LRFN5: variants seen among roughly 807,000 people sequenced by gnomAD.
The protein encoded by LRFN5 is leucine-rich repeat and fibronectin type-III domain-containing protein 5.
A neutral mutation model predicts 45.6 loss-of-function variants in LRFN5; 24 were observed. The observed-to-expected ratio is 0.53, with a 90% CI of 0.38 to 0.74. LRFN5 has a LOEUF of 0.74. LRFN5 is among the 30% of genes least tolerant of loss of function. The probability of loss-of-function intolerance (pLI) is 0.00; values close to 1 mark genes in which losing one functional copy is unlikely to be tolerated. For synonymous variants in LRFN5, 340 were observed against 313.8 expected, an observed-to-expected ratio of 1.08 and a Z score of -0.88; for missense variants, 776 against 861.5, an observed-to-expected ratio of 0.90 and a Z score of 1.24.
intron 2 of LRFN5, among the ~76,000 whole-genome samples, chr14:41,772,460 A>G (rs978559111): frequency 6.6e-6 from 1 of 152,256 alleles, no homozygotes; most frequent in Admixed American, 6.5e-5. Flanking sequence ...TATGCTACCT[A>G]TAAATGCTTA....
chr14:41,808,404 GAA>G (rs1887607978), intron 2 of LRFN5, among the ~76,000 whole-genome samples: 2 of 101,544 alleles, frequency 2.0e-5, no homozygotes, highest in Non-Finnish European at 1.9e-5. Context: ...AGGAAGAAAG[GAA>G]GAAAGGAAGG....
In LRFN5 at chr14:41,673,545, C is replaced by T. The variant is rs553329335; in HGVS notation, c.-197+64983C>T. On this transcript the variant is annotated intron_variant, in intron 1 of 5. Transcript: ENST00000298119. ...CCGGGCAGAGGCACCCCTCACCTCC[C>T]GGACGGGGCGGCTGGCCGGGCAGGG... is the stretch of plus-strand genomic sequence containing the variant. Among the ~76,000 whole-genome samples, 6 of 143,806 alleles carry T rather than the reference C, an allele frequency of 4.2e-5. 1 individual carries two copies. In the South Asian group the frequency reaches 6.8e-4, roughly 16 times the overall value. 94.3% of individuals were successfully genotyped at this position (143,806 alleles called of 152,430 possible).
At chr14:41,823,376 C>G (rs924031322) in intron 2 of LRFN5, among the ~76,000 whole-genome samples, 2 of 151,808 alleles carry the variant, frequency 1.3e-5, no homozygotes, top group African/African-American at 4.8e-5. Flanking sequence ...GACTATTTAT[C>G]CTCCATTTAT....
At chr14:41,678,259 C>CAT (rs1555353890) in intron 1 of LRFN5, among the ~76,000 whole-genome samples, 1 of 151,424 alleles carries the variant, frequency 6.6e-6, no homozygotes, top group East Asian at 1.9e-4. Context: ...TACATACATA[C>CAT]ATACATATAC....
intron 2 of LRFN5, among the ~76,000 whole-genome samples, chr14:41,776,720 T>G (rs1035123365): frequency 2.6e-5 from 4 of 152,106 alleles, no homozygotes; most frequent in Non-Finnish European, 4.4e-5. Flanking sequence ...GTGATGAAAT[T>G]ATCAATTATT....
chr14:41,707,056 T>C (rs1471343841), intron 1 of LRFN5, among the ~76,000 whole-genome samples: 1 of 152,176 alleles, frequency 6.6e-6, no homozygotes, highest in Non-Finnish European at 1.5e-5. Flanking sequence ...CTTCCCTAAA[T>C]GCACAAATTT....
chr14:41,896,133 C>A (rs1890931814), intron 4 of LRFN5, among the ~76,000 whole-genome samples: 1 of 152,076 alleles, frequency 6.6e-6, no homozygotes, highest in Admixed American at 6.6e-5. Flanking sequence ...TTAAGTTTTT[C>A]TCTTTCATTA....
At chr14:41,628,184 G>C (rs1888400052) in intron 1 of LRFN5, among the ~76,000 whole-genome samples, 1 of 152,064 alleles carries the variant, frequency 6.6e-6, no homozygotes, top group South Asian at 2.1e-4. Flanking sequence ...ATAATTTTAA[G>C]TTTCTTTTAC....
chr14:41,846,214 G>GACAAAC (rs71440754), intron 2 of LRFN5, among the ~76,000 whole-genome samples: 1 of 150,382 alleles, frequency 6.6e-6, no homozygotes, highest in African/African-American at 2.4e-5. Context: ...TGTTTACACA[G>GACAAAC]ACACACACAC....
At chr14:41,639,949 ATTTTTTTTTTTTTT>A (rs34020254) in intron 1 of LRFN5, among the ~76,000 whole-genome samples, 3 of 68,084 alleles carry the variant, frequency 4.4e-5, no homozygotes, top group African/African-American at 1.7e-4. Flanking sequence ...TGACTGGCTA[ATTTTTTTTTTTTTT>A]TTTTTTTTTT....
intron 4 of LRFN5, chr14:41,892,452 A>G (rs1056697958): frequency 3.0e-5 from 30 of 983,886 alleles, no homozygotes; most frequent in Admixed American, 2.5e-4. Flanking sequence ...AGATTAAAAA[A>G]ATGAAAATTG....
At position 41,781,597 on chromosome 14, in the gene LRFN5, AAAG is replaced by A. The variant is rs767449989; in HGVS notation, c.-21+14571_-21+14573del. ...GAAAGAAAGAAAGAAAGAAAGAAAG[AAAG>A]AAAGAAAGAAAGAAAGAGAAAGAAA... On this transcript the variant is annotated intron_variant, in intron 2 of 5. Coordinates refer to ENST00000298119, the MANE Select transcript of LRFN5 (RefSeq NM_152447.5). 1.3e-3 allele frequency among the ~76,000 whole-genome samples: 132 copies of A among 99,256 alleles called. 1 individual carries two copies. Among genetic ancestry groups the A allele is most frequent in the Non-Finnish European group, 1.7e-3 (84 of 49,242 alleles). 65.1% of individuals were successfully genotyped at this position (99,256 alleles called of 152,430 possible). A position where few individuals can be genotyped will look rare whatever the true frequency, so the allele number is the denominator to read the frequency against.
At chr14:41,734,335 T>A (rs1884325068) in intron 1 of LRFN5, among the ~76,000 whole-genome samples, 1 of 107,678 alleles carries the variant, frequency 9.3e-6, no homozygotes, top group Non-Finnish European at 2.0e-5. Context: ...TATATATATA[T>A]ATATATATAT....
chr14:41,903,143 CAATT>C (rs1891150895), intron 5 of LRFN5, among the ~76,000 whole-genome samples: 1 of 151,396 alleles, frequency 6.6e-6, no homozygotes, highest in Admixed American at 6.6e-5. Context: ...TTCAGATTAT[CAATT>C]ATTTTGAAAT....
At chr14:41,670,673 C>T (rs934564005) in intron 1 of LRFN5, among the ~76,000 whole-genome samples, 5 of 151,756 alleles carry the variant, frequency 3.3e-5, no homozygotes, top group African/African-American at 4.8e-5. Context: ...GTTATAAAAT[C>T]GTAATTCCTC....
At chr14:41,640,257 G>A (rs1879514465) in intron 1 of LRFN5, among the ~76,000 whole-genome samples, 1 of 152,020 alleles carries the variant, frequency 6.6e-6, no homozygotes, top group Admixed American at 6.6e-5. Flanking sequence ...GAGGTAGATT[G>A]GAGTGCCACT....
chr14:41,629,274 C>T (rs1483492710), intron 1 of LRFN5, among the ~76,000 whole-genome samples: 1 of 152,066 alleles, frequency 6.6e-6, no homozygotes, highest in Non-Finnish European at 1.5e-5. Flanking sequence ...TTGTATTGCG[C>T]CATCAGATAA....
chr14:41,738,896 A>C (rs1884565554), intron 1 of LRFN5, among the ~76,000 whole-genome samples: 1 of 152,208 alleles, frequency 6.6e-6, no homozygotes, highest in South Asian at 2.1e-4. Context: ...TACTATTTAC[A>C]ACAAATGAAT....
At chr14:41,862,457 T>C (rs1380830782) in intron 2 of LRFN5, among the ~76,000 whole-genome samples, 1 of 152,234 alleles carries the variant, frequency 6.6e-6, no homozygotes, top group African/African-American at 2.4e-5. Context: ...ATTCCAACAT[T>C]TATGGACATT....
Sources: gnomAD v4.1 joint callset for allele counts (sites outside exome capture counted in the v4.1 genomes callset) on GRCh38, gnomAD v4.1.1 for gene constraint, MANE v1.5 for transcripts, NCBI Gene and HGNC (gene_info 2026-07-23, HGNC 2026-07-21) for gene names.